PTGES: variants seen among roughly 807,000 people sequenced by gnomAD.
PTGES encodes MGST1-like 1.
Under a neutral mutation model 11.8 loss-of-function variants are expected in PTGES, and 3 were observed. That is an observed-to-expected ratio of 0.25 (90% CI 0.12 to 0.66). The LOEUF (loss-of-function observed/expected upper bound fraction) is 0.66. Ranked by LOEUF, PTGES falls within the 30% of genes least tolerant of loss-of-function variation. PTGES has a pLI of 0.82. For missense variants in PTGES, 180 were observed against 213.0 expected (o/e 0.85, Z 0.96); for synonymous variants, 94 against 90.4 (o/e 1.04, Z -0.22).
rs1007232637 is a variant in PTGES at position 129,748,569 on chromosome 9, T to C, written c.209+86A>G. 3.7e-6 allele frequency: 4 copies of C among 1,079,026 alleles called. No homozygotes were observed. The African/African-American group carries it at 6.8e-5, about 18-fold the overall frequency. The allele number at this position is 1,079,026 out of a possible 1,614,324, so 66.8% of individuals were successfully genotyped here. On this transcript the variant is annotated intron_variant, in intron 2 of 2. Coordinates refer to ENST00000340607, the MANE Select transcript of PTGES (RefSeq NM_004878.5). ...CACAGAAAACCTCAGCCCCTGGGAG[T>C]CCTCCAAGTCCCCTGTGTGCAGAAG...
chr9:129,740,895 T>C (rs760141454), intron 2 of PTGES, among the ~76,000 whole-genome samples: 27 of 152,216 alleles, frequency 1.8e-4, no homozygotes, highest in Non-Finnish European at 3.5e-4. Context: ...AACAGAAGCA[T>C]GTTCTCCGGG....
At chr9:129,747,060 G>A (rs1321360309) in intron 2 of PTGES, among the ~76,000 whole-genome samples, 2 of 152,132 alleles carry the variant, frequency 1.3e-5, no homozygotes, top group African/African-American at 2.4e-5. Context: ...CTACGGGCCC[G>A]TGCCACCATG....
chr9:129,750,100 C>T, intron 1 of PTGES, among the ~76,000 whole-genome samples: 1 of 152,218 alleles, frequency 6.6e-6, no homozygotes. Flanking sequence ...GTCACTTTCT[C>T]TCATTGGAAA....
intron 1 of PTGES, among the ~76,000 whole-genome samples, chr9:129,750,725 T>C (rs746124748): frequency 6.6e-6 from 1 of 152,156 alleles, no homozygotes; most frequent in Admixed American, 6.6e-5. Flanking sequence ...CAAACATTGG[T>C]GGGGCGTTGC....
At chr9:129,750,328 G>T (rs1833090770) in intron 1 of PTGES, among the ~76,000 whole-genome samples, 1 of 152,198 alleles carries the variant, frequency 6.6e-6, no homozygotes, top group Non-Finnish European at 1.5e-5. Flanking sequence ...GGCCTGCCCT[G>T]CCCTACCCCA....
At chr9:129,742,454 T>A (rs1833006673) in intron 2 of PTGES, among the ~76,000 whole-genome samples, 1 of 152,194 alleles carries the variant, frequency 6.6e-6, no homozygotes, top group Admixed American at 6.5e-5. Context: ...AACCCATTTT[T>A]GATTATGTCC....
In PTGES at chr9:129,739,620, G is replaced by A. The variant is rs147203596; in HGVS notation, c.450C>T (p.Arg150=). 67 of 1,550,840 alleles carry A rather than the reference G, an allele frequency of 4.3e-5. No individual in the cohort carries two copies. The highest frequency in any genetic ancestry group is 1.5e-4 in the African/African-American group (11 of 73,070). The change falls in exon 3 of 3, where the codon CGC becomes CGT. Residue 150 remains arginine, a synonymous_variant. Transcript: ENST00000340607. This position sits in a 1 kb window ranked among gnomAD's most constrained non-coding sequence, Gnocchi z 5.7. ...MALQILWEAA[R]HL ...AGGCATCAGCTGCTGGTCACAGGTGGCGGGCCGCTTCCCAGAGGATCTGCA... is the reference window on the plus strand; with the variant it reads ...AGGCATCAGCTGCTGGTCACAGGTGACGGGCCGCTTCCCAGAGGATCTGCA...
At chr9:129,746,801 T>C (rs888822797) in intron 2 of PTGES, among the ~76,000 whole-genome samples, 1 of 152,248 alleles carries the variant, frequency 6.6e-6, no homozygotes, top group Non-Finnish European at 1.5e-5. Flanking sequence ...ACTCTCCAGC[T>C]AACTGGTAAA....
intron 2 of PTGES, among the ~76,000 whole-genome samples, chr9:129,747,259 A>G (rs989813100): frequency 1.3e-5 from 2 of 152,258 alleles, no homozygotes; most frequent in Non-Finnish European, 2.9e-5. Context: ...TTAATAAAAG[A>G]AAATCAGAAC....
chr9:129,749,130 A>G (rs150707567), intron 1 of PTGES, among the ~76,000 whole-genome samples: 2,884 of 152,304 alleles, frequency 0.019, 55 homozygotes, highest in African/African-American at 0.051. Context: ...GGTGGCTCAC[A>G]CCAGTAATCC....
chr9:129,747,731 C>T (rs1313101197), intron 2 of PTGES, among the ~76,000 whole-genome samples: 5 of 152,006 alleles, frequency 3.3e-5, no homozygotes, highest in African/African-American at 1.2e-4. Context: ...GTGTTGAGGC[C>T]GGGTGCGGTG....
At chr9:129,747,964 G>A (rs1225437757) in intron 2 of PTGES, among the ~76,000 whole-genome samples, 1 of 141,676 alleles carries the variant, frequency 7.1e-6, no homozygotes, top group Non-Finnish European at 1.5e-5. Flanking sequence ...GAGCCAAGGT[G>A]GCACCACTGC....
chr9:129,748,009 CAAAAAAAAAAAAAAA>C (rs71497492), intron 2 of PTGES, among the ~76,000 whole-genome samples: 278 of 23,424 alleles, frequency 0.012, 10 homozygotes, highest in African/African-American at 0.04. Flanking sequence ...GACTCTGTCT[CAAAAAAAAAAAAAAA>C]AAAAAAAAAA....
At chr9:129,752,111 A>C (rs1833118100) in intron 1 of PTGES, among the ~76,000 whole-genome samples, 1 of 152,226 alleles carries the variant, frequency 6.6e-6, no homozygotes, top group Non-Finnish European at 1.5e-5. Context: ...ATGCAGTGCC[A>C]GAGCCAGCCT....
At chr9:129,744,277 C>T (rs1469294807) in intron 2 of PTGES, among the ~76,000 whole-genome samples, 3 of 152,144 alleles carry the variant, frequency 2.0e-5, no homozygotes, top group African/African-American at 2.4e-5. Flanking sequence ...TCAGATGCTC[C>T]GGCCAAATGA....
chr9:129,752,937 T>G lies in PTGES; in HGVS notation c.76A>C (p.Lys26Gln), dbSNP rs1255496715. The G allele has an allele frequency of 6.2e-7, 1 of 1,613,438 alleles. No individual in the cohort carries two copies. Among genetic ancestry groups the G allele is most frequent in the South Asian group, 1.1e-5 (1 of 91,092 alleles). ...GTGATGATGGCCACCACGTACATCT[T>G]GATGACCAGCAGCGTGCTGCAGAGC... The part of the protein sequence containing the change: ...FLLCSTLLVI[K>Q]MYVVAIITGQ... The change falls in exon 1 of 3, where the codon AAG becomes CAG. Residue 26 changes from lysine to glutamine, a missense_variant. By Grantham distance (53) the Lys-to-Gln change is moderately conservative (BLOSUM62 1). Transcript: ENST00000340607.
intron 2 of PTGES, among the ~76,000 whole-genome samples, chr9:129,744,399 G>A (rs1246046928): frequency 3.9e-5 from 6 of 152,096 alleles, no homozygotes; most frequent in African/African-American, 1.4e-4. Context: ...GCAAGATCCC[G>A]TCTCTACAAC....
intron 1 of PTGES, 28 bp from the exon 2 acceptor site, chr9:129,748,765 C>T: frequency 1.9e-6 from 3 of 1,556,644 alleles, no homozygotes; most frequent in Non-Finnish European, 2.6e-6. Context: ...AGAGTCACTC[C>T]TCGTGAGACA....
At chr9:129,746,953 C>A (rs1833053129) in intron 2 of PTGES, among the ~76,000 whole-genome samples, 1 of 152,176 alleles carries the variant, frequency 6.6e-6, no homozygotes, top group South Asian at 2.1e-4. Flanking sequence ...CACTCTATCC[C>A]CCAAGCTGGA....
Sources: gnomAD v4.1 joint callset for allele counts (sites outside exome capture counted in the v4.1 genomes callset) on GRCh38, gnomAD v4.1.1 for gene constraint, Gnocchi (gnomAD v3.1) non-coding constraint, MANE v1.5 for transcripts, NCBI Gene and HGNC (gene_info 2026-07-23, HGNC 2026-07-21) for gene names.